ERC2: variants seen among roughly 807,000 people sequenced by gnomAD.
ERC2 encodes ERC protein 2.
ERC2 carries 42 observed loss-of-function variants against 114.8 expected under a neutral mutation model. That is an observed-to-expected ratio of 0.37 (90% CI 0.29 to 0.47). The LOEUF is 0.47. Ranked by LOEUF, ERC2 falls within the 20% of genes least tolerant of loss-of-function variation. ERC2 has a pLI of 0.99. For missense variants in ERC2, 939 were observed against 1,150.7 expected, an observed-to-expected ratio of 0.82 and a Z score of 2.66; for synonymous variants, 454 against 425.5, an observed-to-expected ratio of 1.07 and a Z score of -0.82.
intron 13 of ERC2, among the ~76,000 whole-genome samples, chr3:55,937,114 G>A (rs1160684008): frequency 6.6e-6 from 1 of 152,188 alleles, no homozygotes; most frequent in Non-Finnish European, 1.5e-5. Flanking sequence ...GCCAAGTGGG[G>A]CAGATCACTT....
intron 6 of ERC2, among the ~76,000 whole-genome samples, chr3:56,101,055 T>C (rs1167644300): frequency 2.0e-5 from 3 of 152,244 alleles, no homozygotes; most frequent in African/African-American, 7.2e-5. Flanking sequence ...CAGGCAAAGA[T>C]GAATGAAATC....
chr3:55,876,455 C>G (rs2062848561), intron 14 of ERC2, among the ~76,000 whole-genome samples: 1 of 152,176 alleles, frequency 6.6e-6, no homozygotes, highest in African/African-American at 2.4e-5. Flanking sequence ...TCTCTTCTAT[C>G]CTTTCTGGTC....
intron 14 of ERC2, among the ~76,000 whole-genome samples, chr3:55,827,156 C>T (rs118131433): frequency 6.6e-6 from 1 of 151,930 alleles, no homozygotes. Context: ...GCATGTGATT[C>T]CTGGCCTTTT....
In ERC2 at chr3:55,627,039, C is replaced by T. The variant is rs552941020; in HGVS notation, c.*39+56755G>A. ...AAAATCAAAAAAGCACAACCTCTAT[C>T]CCACTGAACAGTGTTGTCATTCAGG... is the stretch of plus-strand genomic sequence containing the variant. On this transcript the variant is annotated intron_variant, in intron 17 of 17. Coordinates refer to ENST00000288221, the MANE Select transcript of ERC2 (RefSeq NM_015576.3). Among the ~76,000 whole-genome samples the T allele has an allele frequency of 2.6e-5, 4 of 152,372 alleles. No homozygotes were observed. In the South Asian group the frequency reaches 8.3e-4, roughly 32 times the overall value.
intron 12 of ERC2, among the ~76,000 whole-genome samples, chr3:55,973,802 T>TA (rs2069360116): frequency 1.3e-5 from 2 of 152,166 alleles, no homozygotes; most frequent in Admixed American, 1.3e-4. Context: ...CAAATTACAT[T>TA]AAAAATACAG....
intron 3 of ERC2, among the ~76,000 whole-genome samples, chr3:56,228,713 CA>C (rs1254321307): frequency 6.6e-6 from 1 of 152,112 alleles, no homozygotes; most frequent in Non-Finnish European, 1.5e-5. Context: ...TGTATGTACC[CA>C]GAGGGTATAA....
At chr3:56,050,472 G>A (rs189260058) in intron 7 of ERC2, among the ~76,000 whole-genome samples, 11 of 152,222 alleles carry the variant, frequency 7.2e-5, no homozygotes, top group Admixed American at 3.9e-4. Context: ...AAATGCGTGC[G>A]TCTCCTACAA....
At chr3:55,639,917 A>T (rs2060105555) in intron 17 of ERC2, among the ~76,000 whole-genome samples, 1 of 152,214 alleles carries the variant, frequency 6.6e-6, no homozygotes, top group Admixed American at 6.5e-5. Flanking sequence ...CTGAGGGAGA[A>T]GAGGTGGTGC....
chr3:55,864,098 TA>T, intron 14 of ERC2, among the ~76,000 whole-genome samples: 1 of 13,228 alleles, frequency 7.6e-5, no homozygotes, highest in Middle Eastern at 0.042. Context: ...CAGCAGCAGG[TA>T]TATATATATA....
At chr3:55,687,153 C>T (rs1042382829) in intron 16 of ERC2, among the ~76,000 whole-genome samples, 8 of 152,130 alleles carry the variant, frequency 5.3e-5, no homozygotes, top group African/African-American at 1.9e-4. Flanking sequence ...CTGCTCACAG[C>T]GGCTATGTTG....
At chr3:55,583,387 T>TTTCCCTCC (rs1454611481) in intron 17 of ERC2, among the ~76,000 whole-genome samples, 3,308 of 127,662 alleles carry the variant, frequency 0.026, 163 homozygotes, top group African/African-American at 0.081. Context: ...TCCTTCTTTC[T>TTTCCCTCC]TTCCTTCCTT....
chr3:56,278,482 G>A (rs749603292), intron 3 of ERC2, among the ~76,000 whole-genome samples: 1 of 152,178 alleles, frequency 6.6e-6, no homozygotes, highest in African/African-American at 2.4e-5. Flanking sequence ...ATGTAACATA[G>A]GATCCTGGAA....
At chr3:56,133,944 C>T (rs2080349794) in intron 6 of ERC2, among the ~76,000 whole-genome samples, 1 of 152,164 alleles carries the variant, frequency 6.6e-6, no homozygotes. Context: ...CCAGCTAAAG[C>T]ATTTCCAAGT....
At chr3:56,156,649 T>C (rs1270663691) in intron 4 of ERC2, among the ~76,000 whole-genome samples, 1 of 152,206 alleles carries the variant, frequency 6.6e-6, no homozygotes, top group African/African-American at 2.4e-5. Context: ...CATCTGAGTA[T>C]TGGCCCTGCA....
intron 4 of ERC2, among the ~76,000 whole-genome samples, chr3:56,152,434 A>G (rs2081468407): frequency 6.6e-6 from 1 of 151,786 alleles, no homozygotes; most frequent in East Asian, 1.9e-4. Context: ...GGGGCGCTAA[A>G]TATCTAGATC....
intron 17 of ERC2, among the ~76,000 whole-genome samples, chr3:55,553,552 G>A (rs927910869): frequency 2.0e-4 from 31 of 151,934 alleles, no homozygotes; most frequent in Non-Finnish European, 3.5e-4. Flanking sequence ...AGGCCGAGGC[G>A]GGCAGATCAT....
chr3:55,704,445 A>G (rs771891037), intron 15 of ERC2, among the ~76,000 whole-genome samples: 1 of 152,224 alleles, frequency 6.6e-6, no homozygotes, highest in African/African-American at 2.4e-5. Context: ...AATAGCAATT[A>G]CTGTTTTATT....
intron 2 of ERC2, among the ~76,000 whole-genome samples, chr3:56,420,153 G>A (rs1021353631): frequency 6.2e-4 from 82 of 132,546 alleles, no homozygotes; most frequent in African/African-American, 2.2e-3. Context: ...CGAGCCAATC[G>A]TTTTTAGAAC....
chr3:55,586,452 A>G (rs1044915755), intron 17 of ERC2, among the ~76,000 whole-genome samples: 7 of 152,246 alleles, frequency 4.6e-5, no homozygotes, highest in Non-Finnish European at 8.8e-5. Flanking sequence ...TCCCCATTCT[A>G]AATTCACAAA....
Sources: allele counts gnomAD v4.1 joint callset (sites outside exome capture counted in the v4.1 genomes callset), GRCh38; gene constraint gnomAD v4.1.1; transcripts MANE v1.5; gene names NCBI Gene and HGNC (gene_info 2026-07-23, HGNC 2026-07-21).